ADCY8: variants seen among roughly 807,000 people sequenced by gnomAD.
ADCY8 encodes adenylate cyclase 8.
ADCY8 carries 51 observed loss-of-function variants against 119.7 expected under a neutral mutation model. The ratio of observed to expected loss-of-function variants is 0.43; its 90% CI spans 0.34 to 0.54. The LOEUF is 0.54. Among genes scored for constraint, ADCY8 ranks in the 20% least tolerant of loss-of-function variants. The pLI is 0.03. For missense variants in ADCY8, 1,383 were observed against 1,598.8 expected (o/e 0.87, Z 2.30); for synonymous variants, 665 against 651.0 (o/e 1.02, Z -0.33).
intron 2 of ADCY8, among the ~76,000 whole-genome samples, chr8:130,981,434 G>A (rs1163023258): frequency 6.6e-6 from 1 of 152,218 alleles, no homozygotes; most frequent in Non-Finnish European, 1.5e-5. Context: ...CAAGGCAACA[G>A]AGCATGTCTT....
intron 1 of ADCY8, among the ~76,000 whole-genome samples, chr8:131,015,913 C>T (rs1045043555): frequency 1.3e-5 from 2 of 152,078 alleles, no homozygotes; most frequent in South Asian, 4.1e-4. Flanking sequence ...GAGAGGAAGC[C>T]TGTGTCTACC....
intron 14 of ADCY8, among the ~76,000 whole-genome samples, chr8:130,810,261 C>T (rs1179213455): frequency 6.6e-6 from 1 of 152,022 alleles, no homozygotes; most frequent in Admixed American, 6.6e-5. Flanking sequence ...GAGAATGAAA[C>T]TGGGAGTTCT....
chr8:130,847,436 G>A lies in ADCY8; in HGVS notation c.2490C>T (p.Cys830=). 1 of 1,610,588 alleles carries A rather than the reference G, an allele frequency of 6.2e-7. No homozygotes were observed. Among genetic ancestry groups the A allele is most frequent in the Non-Finnish European group, 8.5e-7 (1 of 1,178,406 alleles). Residue 830 remains cysteine (C), a synonymous_variant, in exon 11 of 18, where the codon TGC becomes TGT. Coordinates refer to ENST00000286355, the MANE Select transcript of ADCY8 (RefSeq NM_001115.3). The stretch of plus-strand genomic sequence containing the variant: ...CATAAATAAATACCTCTGGGTAGGA[G>A]CAGATATCTGTAAACACAGCTGAGG... ...FNSSAVFTDI[C]SYPEYFVFTG... is the part of the protein sequence containing the mutation.
intron 1 of ADCY8, among the ~76,000 whole-genome samples, chr8:131,031,035 A>G (rs1268794422): frequency 2.0e-5 from 3 of 152,224 alleles, no homozygotes; most frequent in African/African-American, 7.2e-5. Flanking sequence ...GACCTTGAAG[A>G]AAAGCTGTGC....
intron 13 of ADCY8, among the ~76,000 whole-genome samples, chr8:130,820,508 G>T (rs920022567): frequency 4.6e-5 from 7 of 152,312 alleles, no homozygotes; most frequent in South Asian, 2.1e-4. Context: ...GAACGTTCAT[G>T]GGTTGGAGTT....
At chr8:130,854,674 T>G (rs1372667115) in intron 9 of ADCY8, among the ~76,000 whole-genome samples, 1 of 152,202 alleles carries the variant, frequency 6.6e-6, no homozygotes, top group Non-Finnish European at 1.5e-5. Flanking sequence ...ACTGCAGTCT[T>G]GGCAAGTGGG....
rs1460918016 is a variant in ADCY8, at chr8:130,997,210, G to A, written c.961-6668C>T. The stretch of plus-strand genomic sequence containing the variant: ...TCTATAAATTCAATGTGATTCTAAT[G>A]CTTAAAATATGAAGAAATATATATA... On this transcript the variant is annotated intron_variant, in intron 1 of 17. Transcript: ENST00000286355. 2.6e-5 allele frequency among the ~76,000 whole-genome samples: 4 copies of A among 151,784 alleles called. No individual in the cohort carries two copies. In the East Asian group the frequency reaches 7.7e-4, roughly 29 times the overall value.
chr8:130,846,556 ATTCC>A (rs1215330024), intron 11 of ADCY8, among the ~76,000 whole-genome samples: 72 of 92,410 alleles, frequency 7.8e-4, no homozygotes, highest in African/African-American at 2.7e-3. Context: ...TCATTCCTTC[ATTCC>A]TTCCTTCCTT....
At chr8:130,910,380 G>T (rs1279526667) in intron 5 of ADCY8, among the ~76,000 whole-genome samples, 1 of 152,092 alleles carries the variant, frequency 6.6e-6, no homozygotes. Flanking sequence ...CAACCAAAAT[G>T]TCAACTGTTT....
chr8:130,783,866 T>A, intron 16 of ADCY8, 61 bp from the exon 17 acceptor site: 1 of 1,374,394 alleles, frequency 7.3e-7, no homozygotes, highest in Non-Finnish European at 1.0e-6. Context: ...CATTAACATT[T>A]CTGCAGCAGG....
chr8:130,926,348 A>C (rs1400081750), intron 5 of ADCY8, among the ~76,000 whole-genome samples: 1 of 151,782 alleles, frequency 6.6e-6, no homozygotes, highest in South Asian at 2.1e-4. Context: ...TTAAAAGGCT[A>C]CTGTGCAAAC....
intron 12 of ADCY8, among the ~76,000 whole-genome samples, chr8:130,829,466 A>C (rs1816763349): frequency 7.2e-6 from 1 of 138,926 alleles, no homozygotes; most frequent in Non-Finnish European, 1.6e-5. Context: ...GAAGTTTATA[A>C]AGGAAAGAGA....
In ADCY8 at chr8:130,870,036, G is replaced by A. The variant is rs1398793721; in HGVS notation, c.2110-2090C>T. ...TCTTCTTCTTTTTTTTTTTTTTGATGGAGTCTTGCTCTTGTCACCCAGGCT... is the reference window on the plus strand; with the variant it reads ...TCTTCTTCTTTTTTTTTTTTTTGATAGAGTCTTGCTCTTGTCACCCAGGCT... On this transcript the variant is annotated intron_variant, in intron 8 of 17. Transcript: ENST00000286355. Among the ~76,000 whole-genome samples, 36 of 91,214 alleles carry A rather than the reference G, an allele frequency of 3.9e-4. No individual in the cohort carries two copies. In the East Asian group the frequency reaches 0.012, roughly 31 times the overall value. 59.8% of individuals were successfully genotyped at this position (91,214 alleles called of 152,430 possible).
At chr8:130,924,256 C>T (rs1820396748) in intron 5 of ADCY8, among the ~76,000 whole-genome samples, 1 of 152,184 alleles carries the variant, frequency 6.6e-6, no homozygotes, top group South Asian at 2.1e-4. Context: ...GAAGCATACC[C>T]TGAGGGTGAC....
At chr8:130,945,650 T>C (rs1821085212) in intron 3 of ADCY8, among the ~76,000 whole-genome samples, 1 of 152,234 alleles carries the variant, frequency 6.6e-6, no homozygotes, top group Admixed American at 6.5e-5. Context: ...AAAATTATAC[T>C]ATAATTGCAT....
At position 131,039,563 on chromosome 8, in the gene ADCY8, G is replaced by T. The variant is rs267601776; in HGVS notation, c.771C>A (p.Ile257=). The change falls in exon 1 of 18, where the codon ATC becomes ATA. Residue 257 remains isoleucine (I), a synonymous_variant. Coordinates refer to ENST00000286355, the MANE Select transcript of ADCY8 (RefSeq NM_001115.3). ...GCCCGTAGCCGAGGCCTGCTGCCAG[G>T]ATCTGGGTGGTCATGGCCACCCAGG... The part of the protein sequence containing the change: ...VVTWVAMTTQ[I]LAAGLGYGLL... The T allele has an allele frequency of 1.9e-6, 3 of 1,613,818 alleles. No homozygotes were observed. Among genetic ancestry groups the T allele is most frequent in the South Asian group, 2.2e-5 (2 of 91,084 alleles).
intron 6 of ADCY8, 88 bp from the exon 7 acceptor site, chr8:130,904,130 G>A (rs1819703256): frequency 8.4e-7 from 1 of 1,190,244 alleles, no homozygotes; most frequent in African/African-American, 2.0e-5. Context: ...CCAACACCAG[G>A]GTTACACAAG....
intron 2 of ADCY8, among the ~76,000 whole-genome samples, chr8:130,987,913 G>A (rs552887748): frequency 3.2e-4 from 49 of 152,274 alleles, no homozygotes; most frequent in African/African-American, 1.1e-3. Flanking sequence ...GAGTCCTCTT[G>A]GGACTGAACT....
Position 130,780,581 on chromosome 8 carries a change from G to T in ADCY8, c.3565C>A (p.Gln1189Lys). The change falls in exon 18 of 18, where the codon CAG (glutamine) becomes AAG (lysine). Residue 1189 changes from glutamine (Q) to lysine (K), a missense_variant. Around this residue, in one of 2 missense-constraint regions of ADCY8, gnomAD observed 928 missense variants for 1,163.5 expected, o/e 0.80. Transcript: ENST00000286355. ...FILPPRRLPG[Q>K]YSLAAVVLGL... is the part of the protein sequence containing the mutation. The stretch of plus-strand genomic sequence containing the variant: ...AGGACAACCGCGGCCAGGGAGTACT[G>T]CCCAGGCAGTCTTCTTGGGGGCAAG... 6.2e-7 allele frequency: 1 copy of T among 1,614,172 alleles called. No homozygotes were observed. Among genetic ancestry groups the T allele is most frequent in the Non-Finnish European group, 8.5e-7 (1 of 1,180,016 alleles).
Sources: gnomAD v4.1 joint callset for allele counts (sites outside exome capture counted in the v4.1 genomes callset) on GRCh38, gnomAD v4.1.1 for gene constraint, gnomAD v4.1.1 regional missense constraint, MANE v1.5 for transcripts, NCBI Gene and HGNC (gene_info 2026-07-23, HGNC 2026-07-21) for gene names.